The following LRRTM4 variants were observed in gnomAD, a reference collection of about 807,000 sequenced individuals.
LRRTM4 encodes leucine-rich repeat transmembrane neuronal protein 4.
Under a neutral mutation model 47.6 loss-of-function variants are expected in LRRTM4, and 25 were observed. The ratio of observed to expected loss-of-function variants is 0.53; its 90% CI spans 0.38 to 0.73. The LOEUF is 0.73. Ranked by LOEUF, LRRTM4 falls within the 30% of genes least tolerant of loss-of-function variation. The pLI, the probability that LRRTM4 is intolerant of heterozygous loss-of-function variation, is 0.00. For missense variants in LRRTM4, 638 were observed against 713.4 expected (o/e 0.89, Z 1.20); for synonymous variants, 311 against 269.5 (o/e 1.15, Z -1.51).
At chr2:77,408,773 A>G (rs1157657641) in intron 3 of LRRTM4, among the ~76,000 whole-genome samples, 1 of 152,218 alleles carries the variant, frequency 6.6e-6, no homozygotes, top group East Asian at 1.9e-4. Flanking sequence ...AATTTTATCA[A>G]AAGAAGAAAT....
Position 77,241,247 on chromosome 2 carries a change from T to C in LRRTM4, c.1551+277071A>G, listed in dbSNP as rs13007978. On this transcript the variant is annotated intron_variant, in intron 3 of 3. Transcript: ENST00000409884. ...ACACACACACACACACACACACACA[T>C]GGGTCTAGAAACAAACCTAAATATA... is the stretch of plus-strand genomic sequence containing the variant. Among the ~76,000 whole-genome samples, 140 of 33,970 alleles carry C rather than the reference T, an allele frequency of 4.1e-3. 1 individual carries two copies. The Middle Eastern group carries it at 0.045, about 11-fold the overall frequency. The allele number at this position is 33,970 out of a possible 152,430, so 22.3% of individuals were successfully genotyped here.
chr2:76,869,471 C>G (rs998199677), intron 3 of LRRTM4, among the ~76,000 whole-genome samples: 1 of 151,976 alleles, frequency 6.6e-6, no homozygotes, highest in African/African-American at 2.4e-5. Flanking sequence ...ACTGGCAAAG[C>G]TAAGAAGTCT....
At chr2:76,853,393 A>T (rs952646313) in intron 3 of LRRTM4, among the ~76,000 whole-genome samples, 2 of 151,944 alleles carry the variant, frequency 1.3e-5, no homozygotes, top group African/African-American at 4.8e-5. Context: ...TTATTTCAAG[A>T]TCTAAATTGT....
At chr2:77,028,252 T>C (rs1242657137) in intron 3 of LRRTM4, among the ~76,000 whole-genome samples, 5 of 152,078 alleles carry the variant, frequency 3.3e-5, no homozygotes, top group Admixed American at 2.0e-4. Context: ...GAAAGGTACA[T>C]AGATTAGGAA....
At chr2:76,916,161 G>C (rs1398218913) in intron 3 of LRRTM4, among the ~76,000 whole-genome samples, 6 of 151,912 alleles carry the variant, frequency 3.9e-5, no homozygotes, top group Non-Finnish European at 7.4e-5. Context: ...CTAAGAGAGA[G>C]ATTGTAATAC....
intron 3 of LRRTM4, among the ~76,000 whole-genome samples, chr2:77,490,753 G>A (rs1678120699): frequency 6.6e-6 from 1 of 152,164 alleles, no homozygotes; most frequent in South Asian, 2.1e-4. Context: ...GATCTAAGAA[G>A]TAATTCTACA....
intron 3 of LRRTM4, among the ~76,000 whole-genome samples, chr2:77,273,073 C>T (rs532327195): frequency 6.6e-6 from 1 of 152,176 alleles, no homozygotes; most frequent in Non-Finnish European, 1.5e-5. Flanking sequence ...TATAATGGGA[C>T]CACTTTAATC....
rs1406532258 is a variant in LRRTM4 at position 77,040,767 on chromosome 2, T to A, written c.1552-291851A>T. On this transcript the variant is annotated intron_variant, in intron 3 of 3. Coordinates refer to ENST00000409884, the MANE Select transcript of LRRTM4 (RefSeq NM_001134745.3). ...CTCTGGAGAAGAGAAACTGCTTTAG[T>A]CCATTTTTTCCATTTTAAGTTTTAT... Among the ~76,000 whole-genome samples the A allele has an allele frequency of 2.0e-5, 3 of 151,436 alleles. No individual in the cohort carries two copies. In the Admixed American group the frequency reaches 2.0e-4, roughly 10 times the overall value.
At chr2:76,775,330 A>C (rs1349701309) in intron 3 of LRRTM4, among the ~76,000 whole-genome samples, 1 of 152,130 alleles carries the variant, frequency 6.6e-6, no homozygotes, top group African/African-American at 2.4e-5. Context: ...ATGTGTAATG[A>C]GTCTGAAAGG....
At chr2:76,827,940 T>C (rs1310331955) in intron 3 of LRRTM4, among the ~76,000 whole-genome samples, 1 of 151,866 alleles carries the variant, frequency 6.6e-6, no homozygotes, top group East Asian at 1.9e-4. Context: ...ATAGATGAAA[T>C]GAAATAATAA....
chr2:76,967,761 TTTTC>T (rs1381982369), intron 3 of LRRTM4, among the ~76,000 whole-genome samples: 1 of 151,702 alleles, frequency 6.6e-6, no homozygotes, highest in Non-Finnish European at 1.5e-5. Context: ...TTTCATTTAT[TTTTC>T]TTTGAGAAGC....
intron 3 of LRRTM4, among the ~76,000 whole-genome samples, chr2:77,447,369 AT>A (rs1676093765): frequency 6.6e-6 from 1 of 152,050 alleles, no homozygotes; most frequent in Non-Finnish European, 1.5e-5. Context: ...CTCATGTGCA[AT>A]TCTGCCCACA....
At chr2:77,089,458 C>A (rs546703856) in intron 3 of LRRTM4, among the ~76,000 whole-genome samples, 1 of 151,678 alleles carries the variant, frequency 6.6e-6, no homozygotes, top group Non-Finnish European at 1.5e-5. Context: ...GTGCCCCAAT[C>A]CCTTATTTCC....
chr2:77,167,378 G>T (rs572528674), intron 3 of LRRTM4, among the ~76,000 whole-genome samples: 1 of 152,302 alleles, frequency 6.6e-6, no homozygotes, highest in South Asian at 2.1e-4. Flanking sequence ...TTCAACCATT[G>T]TGGAAGACAG....
At chr2:77,473,791 A>G (rs952877569) in intron 3 of LRRTM4, among the ~76,000 whole-genome samples, 1 of 152,154 alleles carries the variant, frequency 6.6e-6, no homozygotes, top group African/African-American at 2.4e-5. Flanking sequence ...TGTATGTAAC[A>G]CTAATAAAGA....
chr2:77,152,686 G>C (rs1417247927), intron 3 of LRRTM4, among the ~76,000 whole-genome samples: 4 of 151,990 alleles, frequency 2.6e-5, no homozygotes, highest in African/African-American at 7.2e-5. Flanking sequence ...ATACTTCAAG[G>C]GTTTTCTGTG....
At chr2:77,386,793 G>A (rs576507949) in intron 3 of LRRTM4, among the ~76,000 whole-genome samples, 1 of 152,066 alleles carries the variant, frequency 6.6e-6, no homozygotes, top group Non-Finnish European at 1.5e-5. Context: ...GTCGGGGAGT[G>A]GGGGGCAAGG....
chr2:77,124,679 AATAATAATATTTTTGATT>A (rs1671608569), intron 3 of LRRTM4, among the ~76,000 whole-genome samples: 2 of 152,086 alleles, frequency 1.3e-5, no homozygotes, highest in African/African-American at 2.4e-5. Flanking sequence ...CCTTGAAGGG[AATAATAATATTTTTGATT>A]CAGTTTTGTA....
chr2:76,986,296 AT>A (rs1248623765), intron 3 of LRRTM4, among the ~76,000 whole-genome samples: 1 of 150,180 alleles, frequency 6.7e-6, no homozygotes, highest in East Asian at 1.9e-4. Context: ...ACTAAAAATG[AT>A]TTGGCTGCAG....
Sources: gnomAD v4.1 joint callset for allele counts (sites outside exome capture counted in the v4.1 genomes callset) on GRCh38, gnomAD v4.1.1 for gene constraint, MANE v1.5 for transcripts, NCBI Gene and HGNC (gene_info 2026-07-23, HGNC 2026-07-21) for gene names.